Variants in ZNF503 observed in about 807,000 individuals in gnomAD.
ZNF503 encodes the protein zinc finger protein 503.
ZNF503 carries 15 observed loss-of-function variants against 34.4 expected under a neutral mutation model. The observed-to-expected ratio is 0.44, with a 90% CI of 0.29 to 0.67. The LOEUF (loss-of-function observed/expected upper bound fraction) is 0.67, where lower values mean the gene tolerates loss of function less well. Among genes scored for constraint, ZNF503 ranks in the 30% least tolerant of loss-of-function variants. The pLI is 0.13. For missense variants in ZNF503, 1,007 were observed against 926.8 expected (o/e 1.09, Z -1.12); for synonymous variants, 580 against 456.8 (o/e 1.27, Z -3.44).
the ZNF503 span, among the ~76,000 whole-genome samples, chr10:75,378,379 A>G: frequency 6.6e-6 from 1 of 152,176 alleles, no homozygotes; most frequent in East Asian, 1.9e-4. Context: ...TCTGCTCCCC[A>G]CCAAGCACCA....
At chr10:75,376,553 AGAATTGCTT>A in the ZNF503 span, among the ~76,000 whole-genome samples, 1 of 152,130 alleles carries the variant, frequency 6.6e-6, no homozygotes. Flanking sequence ...CTGAGGCATG[AGAATTGCTT>A]GAACCTGGGA....
At chr10:75,353,383 C>A in the ZNF503 span, among the ~76,000 whole-genome samples, 3 of 152,316 alleles carry the variant, frequency 2.0e-5, no homozygotes, top group Admixed American at 6.5e-5. Flanking sequence ...CCTGCGGAGA[C>A]CTTTGACCCT....
chr10:75,363,310 G>T, the ZNF503 span, among the ~76,000 whole-genome samples: 20 of 152,054 alleles, frequency 1.3e-4, no homozygotes, highest in Non-Finnish European at 2.8e-4. Flanking sequence ...GACTTGGCTC[G>T]AGCAGTCCCT....
the ZNF503 span, among the ~76,000 whole-genome samples, chr10:75,380,246 G>T: frequency 6.6e-6 from 1 of 152,190 alleles, no homozygotes; most frequent in African/African-American, 2.4e-5. Flanking sequence ...TACCTAAGAG[G>T]TTTAGAGCGC....
At chr10:75,388,356 A>G in the ZNF503 span, among the ~76,000 whole-genome samples, 10 of 152,188 alleles carry the variant, frequency 6.6e-5, no homozygotes, top group Admixed American at 3.3e-4. Flanking sequence ...CTAACATAAC[A>G]TCACTGAGTG....
chr10:75,294,604 G>A, the ZNF503 span, among the ~76,000 whole-genome samples: 1 of 152,144 alleles, frequency 6.6e-6, no homozygotes, highest in Non-Finnish European at 1.5e-5. Context: ...GAACGGACGT[G>A]GCCCAGACCT....
the ZNF503 span, chr10:75,382,632 G>T: frequency 5.2e-6 from 2 of 386,476 alleles, no homozygotes; most frequent in South Asian, 4.6e-5. Flanking sequence ...TCGAATGCAT[G>T]ACTGTTCTAG....
the ZNF503 span, among the ~76,000 whole-genome samples, chr10:75,378,424 A>G: frequency 6.6e-6 from 1 of 152,080 alleles, no homozygotes; most frequent in African/African-American, 2.4e-5. Flanking sequence ...ATCTCTGGTC[A>G]CTGCCTCAGC....
the ZNF503 span, among the ~76,000 whole-genome samples, chr10:75,295,328 C>G: frequency 1.3e-5 from 2 of 152,068 alleles, no homozygotes; most frequent in Non-Finnish European, 2.9e-5. The surrounding 1 kb of genome is among the most constrained non-coding windows in gnomAD (Gnocchi z 4.0). Context: ...GGGCGGCGGC[C>G]TCTCCCAAAG....
At chr10:75,397,337 CCCGGGA>C (rs1256804280), downstream of ZNF503, among the ~76,000 whole-genome samples, 1 of 152,216 alleles carries the variant, frequency 6.6e-6, no homozygotes, top group Non-Finnish European at 1.5e-5. Flanking sequence ...TCCCCCCAGG[CCCGGGA>C]CACAGGTTCC....
the ZNF503 span, among the ~76,000 whole-genome samples, chr10:75,346,423 C>G: frequency 6.6e-6 from 1 of 151,456 alleles, no homozygotes; most frequent in Non-Finnish European, 1.5e-5. Flanking sequence ...TTCTCTCTTT[C>G]TCTATCTTTT....
the ZNF503 span, among the ~76,000 whole-genome samples, chr10:75,333,192 C>T: frequency 8.1e-6 from 1 of 123,838 alleles, no homozygotes; most frequent in Non-Finnish European, 1.7e-5. Flanking sequence ...GGCAGAGGTG[C>T]CCCTCACCTC....
chr10:75,329,456 TTTC>T, the ZNF503 span, among the ~76,000 whole-genome samples: 53 of 136,706 alleles, frequency 3.9e-4, 2 homozygotes, highest in African/African-American at 1.4e-3. Context: ...TCTTTCTTTC[TTTC>T]TCTTTCTTTC....
the ZNF503 span, chr10:75,358,469 C>T: frequency 1.3e-5 from 2 of 152,144 alleles, no homozygotes; most frequent in East Asian, 1.9e-4. Context: ...TATGTACATA[C>T]AACACTTGAT....
chr10:75,300,099 A>T, the ZNF503 span, among the ~76,000 whole-genome samples: 1 of 152,164 alleles, frequency 6.6e-6, no homozygotes, highest in Non-Finnish European at 1.5e-5. Context: ...TCAACCATAG[A>T]AGACTGGCAC....
chr10:75,283,564 G>A, the ZNF503 span, among the ~76,000 whole-genome samples: 3 of 152,088 alleles, frequency 2.0e-5, no homozygotes, highest in Non-Finnish European at 2.9e-5. Context: ...TGTATGTTTC[G>A]AGGGGGGAGA....
At chr10:75,345,477 A>C in the ZNF503 span, among the ~76,000 whole-genome samples, 1 of 151,928 alleles carries the variant, frequency 6.6e-6, no homozygotes, top group African/African-American at 2.4e-5. Flanking sequence ...TCTACTAAAA[A>C]TACAAAAATT....
chr10:75,348,055 G>C, the ZNF503 span, among the ~76,000 whole-genome samples: 45,269 of 150,878 alleles, frequency 0.3, 7,447 homozygotes, highest in South Asian at 0.4. Flanking sequence ...GCTAATTTTT[G>C]TTTTCTTTTC....
the ZNF503 span, among the ~76,000 whole-genome samples, chr10:75,381,502 C>G: frequency 6.6e-6 from 1 of 152,196 alleles, no homozygotes; most frequent in African/African-American, 2.4e-5. Flanking sequence ...GGATTACAGG[C>G]ATGAGCCACT....
Sources: gnomAD v4.1 joint callset for allele counts (sites outside exome capture counted in the v4.1 genomes callset) on GRCh38, gnomAD v4.1.1 for gene constraint, Gnocchi (gnomAD v3.1) non-coding constraint, MANE v1.5 for transcripts, NCBI Gene and HGNC (gene_info 2026-07-23, HGNC 2026-07-21) for gene names.